The following GALNTL6 variants were observed in gnomAD, a reference collection of about 807,000 sequenced individuals.
GALNTL6 encodes polypeptide N-acetylgalactosaminyltransferase like 6.
Under a neutral mutation model 73.7 loss-of-function variants are expected in GALNTL6, and 46 were observed. The observed-to-expected ratio is 0.62, with a 90% CI of 0.49 to 0.80. GALNTL6 has a LOEUF of 0.80. GALNTL6 is among the 30% of genes least tolerant of loss of function. GALNTL6 has a pLI of 0.00. For synonymous variants in GALNTL6, 259 were observed against 263.7 expected (o/e 0.98, Z 0.17); for missense variants, 604 against 755.0 (o/e 0.80, Z 2.34).
chr4:172,569,847 G>A (rs1012753256), intron 5 of GALNTL6, among the ~76,000 whole-genome samples: 3 of 152,186 alleles, frequency 2.0e-5, no homozygotes, highest in Non-Finnish European at 4.4e-5. Context: ...TGGGAGCCGA[G>A]GATATGCGAG....
At chr4:172,692,409 A>G (rs1579346661) in intron 5 of GALNTL6, among the ~76,000 whole-genome samples, 1 of 152,166 alleles carries the variant, frequency 6.6e-6, no homozygotes, top group Admixed American at 6.5e-5. Flanking sequence ...CTTGATAAAC[A>G]TTAACAAATA....
intron 2 of GALNTL6, among the ~76,000 whole-genome samples, chr4:171,873,361 A>G (rs530592421): frequency 6.6e-6 from 1 of 152,360 alleles, no homozygotes; most frequent in East Asian, 1.9e-4. Flanking sequence ...TTTCTACGCC[A>G]TATGTACAAG....
intron 5 of GALNTL6, among the ~76,000 whole-genome samples, chr4:172,501,834 T>C (rs1045386649): frequency 6.6e-6 from 1 of 152,184 alleles, no homozygotes; most frequent in Non-Finnish European, 1.5e-5. Flanking sequence ...GGTGAGACTA[T>C]TTTACCATAT....
chr4:172,121,739 T>G (rs1483461315), intron 2 of GALNTL6, among the ~76,000 whole-genome samples: 1 of 152,168 alleles, frequency 6.6e-6, no homozygotes, highest in Non-Finnish European at 1.5e-5. Flanking sequence ...CCACAGGTAT[T>G]GATTATCATC....
chr4:172,571,954 C>A (rs1736778481), intron 5 of GALNTL6, among the ~76,000 whole-genome samples: 1 of 152,166 alleles, frequency 6.6e-6, no homozygotes, highest in East Asian at 1.9e-4. Flanking sequence ...CCTGATCCTC[C>A]TTGAATGTGC....
chr4:172,252,781 GCAGTGCCA>G (rs1737925757), intron 3 of GALNTL6, among the ~76,000 whole-genome samples: 1 of 151,960 alleles, frequency 6.6e-6, no homozygotes, highest in Non-Finnish European at 1.5e-5. Context: ...AAGCAGTGAA[GCAGTGCCA>G]CAGTGGGAGG....
chr4:172,220,671 C>T (rs1003316668), intron 2 of GALNTL6, among the ~76,000 whole-genome samples: 1 of 151,762 alleles, frequency 6.6e-6, no homozygotes, highest in Non-Finnish European at 1.5e-5. Flanking sequence ...GCTATTAGGA[C>T]AGACAGGCAA....
At chr4:171,896,268 A>C (rs115901215) in intron 2 of GALNTL6, among the ~76,000 whole-genome samples, 1 of 152,226 alleles carries the variant, frequency 6.6e-6, no homozygotes, top group Non-Finnish European at 1.5e-5. Flanking sequence ...TTAATACTGC[A>C]TATTACTGTT....
chr4:172,087,436 C>T (rs1204617426), intron 2 of GALNTL6, among the ~76,000 whole-genome samples: 3 of 131,724 alleles, frequency 2.3e-5, no homozygotes, highest in African/African-American at 8.4e-5. Flanking sequence ...CAGAGTTAGA[C>T]TCCATCCCAA....
chr4:171,959,551 A>G (rs984044863), intron 2 of GALNTL6, among the ~76,000 whole-genome samples: 1 of 152,148 alleles, frequency 6.6e-6, no homozygotes, highest in African/African-American at 2.4e-5. Flanking sequence ...TAGAATTTGT[A>G]TATACATACT....
intron 4 of GALNTL6, among the ~76,000 whole-genome samples, chr4:172,337,400 GT>G (rs1355823282): frequency 6.6e-6 from 1 of 152,144 alleles, no homozygotes; most frequent in Non-Finnish European, 1.5e-5. Context: ...TTAAGTGTGT[GT>G]TTGTGGTAGC....
intron 2 of GALNTL6, among the ~76,000 whole-genome samples, chr4:172,169,180 A>G (rs962508690): frequency 6.6e-6 from 1 of 151,996 alleles, no homozygotes; most frequent in African/African-American, 2.4e-5. Flanking sequence ...ATTGGATTCT[A>G]AAGACCCAAG....
intron 5 of GALNTL6, among the ~76,000 whole-genome samples, chr4:172,375,563 T>A (rs1192291324): frequency 6.6e-6 from 1 of 152,020 alleles, no homozygotes; most frequent in Non-Finnish European, 1.5e-5. Flanking sequence ...ATAGTTGCAC[T>A]CACCAACACA....
chr4:173,021,558 AC>A lies in GALNTL6; in HGVS notation c.1572del (p.His524GlnfsTer13). Reference protein sequence around the residue: ...TRKFCFDAISHNSPVTLYDCH... With the variant: ...TRKFCFDAISXNSPVTLYDCH... ...AAATTCTGCTTTGATGCGATCTCACACAACAGCCCCGTTACACTCTATGACT... is the reference window on the plus strand; with the variant it reads ...AAATTCTGCTTTGATGCGATCTCACAAACAGCCCCGTTACACTCTATGACT... On this transcript the variant is annotated frameshift_variant, in exon 12 of 13. Coordinates refer to ENST00000506823, the MANE Select transcript of GALNTL6 (RefSeq NM_001034845.3). LOFTEE classifies it high-confidence loss of function. The A allele has an allele frequency of 6.2e-7, 1 of 1,614,176 alleles. No individual in the cohort carries two copies. The highest frequency in any genetic ancestry group is 8.5e-7 in the Non-Finnish European group (1 of 1,180,018).
At chr4:171,954,126 T>C (rs116380952) in intron 2 of GALNTL6, among the ~76,000 whole-genome samples, 125 of 152,298 alleles carry the variant, frequency 8.2e-4, no homozygotes, top group African/African-American at 2.9e-3. Flanking sequence ...AAAATGTAAT[T>C]AAAATTTATG....
At chr4:172,649,209 G>A (rs1740373301) in intron 5 of GALNTL6, among the ~76,000 whole-genome samples, 1 of 152,008 alleles carries the variant, frequency 6.6e-6, no homozygotes, top group Non-Finnish European at 1.5e-5. Context: ...GAGCAAACAA[G>A]AACAATACAT....
chr4:172,266,064 T>G (rs1738440355), intron 3 of GALNTL6: 1 of 152,098 alleles, frequency 6.6e-6, no homozygotes, highest in South Asian at 2.1e-4. Flanking sequence ...GAATGTTAAG[T>G]CAGAACTTCT....
At chr4:171,909,918 T>A (rs1356309385) in intron 2 of GALNTL6, among the ~76,000 whole-genome samples, 2 of 152,154 alleles carry the variant, frequency 1.3e-5, no homozygotes, top group Non-Finnish European at 2.9e-5. Context: ...ACGTGACTAT[T>A]TTCTATATTT....
intron 2 of GALNTL6, among the ~76,000 whole-genome samples, chr4:171,829,257 C>A (rs1247054730): frequency 6.6e-6 from 1 of 152,124 alleles, no homozygotes; most frequent in Non-Finnish European, 1.5e-5. Context: ...AAAAACTTTA[C>A]TGGACTTCTG....
Sources: gnomAD v4.1 joint callset for allele counts (sites outside exome capture counted in the v4.1 genomes callset) on GRCh38, gnomAD v4.1.1 for gene constraint, MANE v1.5 for transcripts, NCBI Gene and HGNC (gene_info 2026-07-23, HGNC 2026-07-21) for gene names.